The following LTBP1 variants were observed in gnomAD, a reference collection of about 807,000 sequenced individuals.
LTBP1 encodes latent-transforming growth factor beta-binding protein 1.
Under a neutral mutation model 207.6 loss-of-function variants are expected in LTBP1, and 129 were observed. That is an observed-to-expected ratio of 0.62 (90% CI 0.54 to 0.72). The LOEUF (loss-of-function observed/expected upper bound fraction) is 0.72, where lower values mean the gene tolerates loss of function less well. LTBP1 is among the 30% of genes least tolerant of loss of function. LTBP1 has a pLI of 0.00. For synonymous variants in LTBP1, 963 were observed against 833.7 expected (o/e 1.16, Z -2.67); for missense variants, 2,281 against 2,217.2 (o/e 1.03, Z -0.58).
At chr2:32,987,792 A>T (rs1389797611) in intron 2 of LTBP1, among the ~76,000 whole-genome samples, 1 of 152,220 alleles carries the variant, frequency 6.6e-6, no homozygotes, top group Non-Finnish European at 1.5e-5. Flanking sequence ...ACCTCTAGCC[A>T]TATTTACAAT....
At chr2:33,299,246 A>G (rs527854742) in intron 20 of LTBP1, among the ~76,000 whole-genome samples, 1 of 152,182 alleles carries the variant, frequency 6.6e-6, no homozygotes, top group Non-Finnish European at 1.5e-5. Flanking sequence ...GTCTCAAAAA[A>G]AAAAAAAAAA....
intron 3 of LTBP1, among the ~76,000 whole-genome samples, chr2:33,069,708 G>A (rs186750628): frequency 1.3e-4 from 20 of 152,334 alleles, no homozygotes; most frequent in Admixed American, 3.3e-4. Flanking sequence ...TGAACATCAT[G>A]CAGTTTTGAT....
At chr2:33,370,147 T>C (rs183957346) in intron 31 of LTBP1, among the ~76,000 whole-genome samples, 6 of 152,384 alleles carry the variant, frequency 3.9e-5, no homozygotes, top group African/African-American at 1.4e-4. Flanking sequence ...CTTCAAATAG[T>C]GTTTGACACA....
Position 33,262,694 on chromosome 2 carries a change from TA to T in LTBP1, c.2419-27del, listed in dbSNP as rs765856584. The T allele has an allele frequency of 3.3e-5, 39 of 1,188,320 alleles. No individual in the cohort carries two copies. The African/African-American group carries it at 6.0e-4, about 18-fold the overall frequency. 73.6% of individuals were successfully genotyped at this position (1,188,320 alleles called of 1,614,324 possible). On this transcript the variant is annotated intron_variant, in intron 13 of 33. Transcript: ENST00000404816. ...CCACTTTCAATTCTTTTTTTTTTCT[TA>T]TTCTCTTTTAAAATACAACCATCCA...
At chr2:33,299,235 TG>T (rs1284653430) in intron 20 of LTBP1, among the ~76,000 whole-genome samples, 1 of 147,350 alleles carries the variant, frequency 6.8e-6, no homozygotes, top group Non-Finnish European at 1.5e-5. Flanking sequence ...AGCGAGACTC[TG>T]TCTCAAAAAA....
intron 21 of LTBP1, among the ~76,000 whole-genome samples, chr2:33,300,780 A>G (rs1004529916): frequency 2.6e-5 from 4 of 152,256 alleles, no homozygotes; most frequent in East Asian, 1.9e-4. Context: ...GGCATTAGCT[A>G]TCAATGGCTA....
intron 9 of LTBP1, among the ~76,000 whole-genome samples, chr2:33,228,408 A>G (rs1172865191): frequency 2.0e-5 from 3 of 152,192 alleles, no homozygotes; most frequent in Non-Finnish European, 4.4e-5. Context: ...AGGCTAAGTC[A>G]TTTGTGCAGC....
chr2:33,206,522 C>T (rs955688594), intron 7 of LTBP1, among the ~76,000 whole-genome samples: 7 of 152,018 alleles, frequency 4.6e-5, no homozygotes, highest in African/African-American at 9.7e-5. Context: ...GGGCGGATCA[C>T]GAGGTTAGGA....
chr2:33,368,441 G>A (rs1431060937), intron 31 of LTBP1, among the ~76,000 whole-genome samples: 1 of 152,142 alleles, frequency 6.6e-6, no homozygotes, highest in Non-Finnish European at 1.5e-5. Flanking sequence ...GGTATCTTTT[G>A]GATATAATGA....
intron 19 of LTBP1, among the ~76,000 whole-genome samples, chr2:33,286,834 A>G (rs1020418817): frequency 2.6e-5 from 4 of 152,242 alleles, no homozygotes; most frequent in Non-Finnish European, 5.9e-5. Flanking sequence ...CGCAAGGACA[A>G]AAAACCAAAC....
At chr2:33,034,226 TC>T (rs2075816050) in intron 3 of LTBP1, among the ~76,000 whole-genome samples, 1 of 112,528 alleles carries the variant, frequency 8.9e-6, no homozygotes, top group African/African-American at 3.3e-5. Context: ...GGATTGTTGT[TC>T]TAAAAAAAAA....
At chr2:33,187,103 A>G in intron 6 of LTBP1, 23 bp downstream of exon 6, 1 of 1,605,506 alleles carries the variant, frequency 6.2e-7, no homozygotes. Flanking sequence ...CATTCCGCCC[A>G]TTTGCCAGAC....
intron 11 of LTBP1, 111 bp downstream of exon 11, chr2:33,252,955 C>T (rs1345834842): frequency 1.2e-6 from 1 of 834,508 alleles, no homozygotes; most frequent in African/African-American, 1.7e-5. Flanking sequence ...TTTAATAATA[C>T]ATTGTAAATA....
intron 2 of LTBP1, among the ~76,000 whole-genome samples, chr2:32,992,461 C>T (rs1405240033): frequency 6.6e-6 from 1 of 152,138 alleles, no homozygotes; most frequent in East Asian, 1.9e-4. Flanking sequence ...AGGGGAGTAT[C>T]TTATTTGCTC....
chr2:33,295,648 T>A (rs3820911), intron 20 of LTBP1, among the ~76,000 whole-genome samples: 86,718 of 151,994 alleles, frequency 0.57, 25,697 homozygotes, highest in African/African-American at 0.73. Context: ...TATGATTTTT[T>A]AAAAATTTTT....
intron 3 of LTBP1, among the ~76,000 whole-genome samples, chr2:33,041,387 C>T (rs189156620): frequency 1.3e-5 from 2 of 152,116 alleles, no homozygotes; most frequent in Non-Finnish European, 2.9e-5. Context: ...TGGGTTCAAG[C>T]GATTCTTCTG....
chr2:33,084,973 T>C (rs910983722), intron 3 of LTBP1, among the ~76,000 whole-genome samples: 1 of 152,204 alleles, frequency 6.6e-6, no homozygotes, highest in Non-Finnish European at 1.5e-5. Flanking sequence ...TGAGATCTTA[T>C]TGGAAAATTA....
chr2:33,036,614 T>C (rs974864773), intron 3 of LTBP1, among the ~76,000 whole-genome samples: 9 of 152,202 alleles, frequency 5.9e-5, no homozygotes, highest in African/African-American at 2.2e-4. Flanking sequence ...TGTGCCACCA[T>C]GTCTGGCTAA....
intron 6 of LTBP1, among the ~76,000 whole-genome samples, chr2:33,187,706 T>G (rs903845830): frequency 6.6e-6 from 1 of 152,236 alleles, no homozygotes; most frequent in Non-Finnish European, 1.5e-5. Context: ...AGATTTTGTT[T>G]GAAAGCTACG....
Sources: allele counts gnomAD v4.1 joint callset (sites outside exome capture counted in the v4.1 genomes callset), GRCh38; gene constraint gnomAD v4.1.1; transcripts MANE v1.5; gene names NCBI Gene and HGNC (gene_info 2026-07-23, HGNC 2026-07-21).